Variants in TNS1 observed in about 807,000 individuals in gnomAD.
TNS1 encodes tensin 1.
Under a neutral mutation model 168.6 loss-of-function variants are expected in TNS1, and 62 were observed. The ratio of observed to expected loss-of-function variants is 0.37; its 90% CI spans 0.30 to 0.45. The LOEUF (loss-of-function observed/expected upper bound fraction) is 0.45, where lower values mean the gene tolerates loss of function less well. TNS1 is among the 20% of genes least tolerant of loss of function. TNS1 has a pLI of 1.00. For synonymous variants in TNS1, 934 were observed against 933.2 expected (o/e 1.00, Z -0.02); for missense variants, 2,240 against 2,339.4 (o/e 0.96, Z 0.88).
upstream of TNS1, among the ~76,000 whole-genome samples, chr2:218,004,246 T>G (rs1346415025): frequency 6.6e-6 from 1 of 152,242 alleles, no homozygotes; most frequent in Non-Finnish European, 1.5e-5. Context: ...GAGTAGGCAC[T>G]TGGAGACCTC....
rs531715833 is a variant in TNS1, at chr2:217,875,286, T to G, written c.1429+5612A>C. Among the ~76,000 whole-genome samples the G allele has an allele frequency of 9.8e-5, 15 of 152,312 alleles. No homozygotes were observed. The East Asian group carries it at 2.9e-3, about 29-fold the overall frequency. On this transcript the variant is annotated intron_variant, in intron 18 of 32. Coordinates refer to ENST00000682258, the MANE Select transcript of TNS1 (RefSeq NM_001387777.1). ...GAGAAGGTGGGATCATTTGTCACTG[T>G]GGCATAATTGAGCCTCTCCTGACTG...
At chr2:217,993,891 A>G (rs575702264) in intron 1 of TNS1, among the ~76,000 whole-genome samples, 1 of 152,356 alleles carries the variant, frequency 6.6e-6, no homozygotes, top group African/African-American at 2.4e-5. Flanking sequence ...GAGGGGACAA[A>G]TGTTCTTTGC....
rs530736657 is a variant in TNS1 at position 218,025,784 on chromosome 2, C to T, written c.156+8036G>A. ...CTCAAACTCCTGGGCTCAAGTGAGC[C>T]TCCTGTCTCAGCCTGCCGGGTGGCT... On this transcript the variant is annotated intron_variant, in intron 1 of 1. Transcript: ENST00000649572. Among the ~76,000 whole-genome samples, 42 of 152,254 alleles carry T rather than the reference C, an allele frequency of 2.8e-4. No homozygotes were observed. In the South Asian group the frequency reaches 8.5e-3, roughly 31 times the overall value.
intron 4 of TNS1, among the ~76,000 whole-genome samples, chr2:217,912,108 A>G (rs2125819770): frequency 6.6e-6 from 1 of 152,286 alleles, no homozygotes; most frequent in Non-Finnish European, 1.5e-5. Context: ...GCATGGGCCC[A>G]AGGTGGGGCC....
At chr2:218,005,549 A>G (rs1958650098), upstream of TNS1, among the ~76,000 whole-genome samples, 1 of 152,178 alleles carries the variant, frequency 6.6e-6, no homozygotes, top group African/African-American at 2.4e-5. Flanking sequence ...AGGTGTCTCT[A>G]ACTGTGTGTA....
intron 3 of TNS1, among the ~76,000 whole-genome samples, chr2:217,977,788 A>G (rs562072810): frequency 7.2e-5 from 11 of 152,348 alleles, no homozygotes; most frequent in African/African-American, 2.6e-4. Flanking sequence ...CAACTGCTCA[A>G]TGAATGCTCC....
chr2:217,953,918 C>T (rs184087977), intron 3 of TNS1, among the ~76,000 whole-genome samples: 20 of 152,358 alleles, frequency 1.3e-4, no homozygotes, highest in African/African-American at 4.6e-4. Context: ...TTGGGTACCT[C>T]TCCTGGGTTT....
chr2:217,983,859 T>G (rs1958121126), intron 2 of TNS1, among the ~76,000 whole-genome samples: 1 of 152,186 alleles, frequency 6.6e-6, no homozygotes, highest in Admixed American at 6.5e-5. Context: ...ATGAATCAAC[T>G]TGTCTAGGCC....
intron 3 of TNS1, among the ~76,000 whole-genome samples, chr2:217,926,702 C>G (rs1956045366): frequency 6.6e-6 from 1 of 152,248 alleles, no homozygotes; most frequent in Admixed American, 6.5e-5. Flanking sequence ...ATGTCAAGCA[C>G]TGTTCTAAGC....
At chr2:217,992,634 AAG>A (rs1310195994) in intron 1 of TNS1, 3 of 152,606 alleles carry the variant, frequency 2.0e-5, no homozygotes, top group Admixed American at 2.0e-4. Flanking sequence ...AAGGCATAGA[AAG>A]AGAGGGGGAC....
chr2:217,945,714 G>T (rs1053211088), intron 3 of TNS1, among the ~76,000 whole-genome samples: 1 of 152,162 alleles, frequency 6.6e-6, no homozygotes, highest in Non-Finnish European at 1.5e-5. Flanking sequence ...CTCCCTAGCC[G>T]TCGGCCCAGC....
At chr2:217,847,340 A>T (rs1013603039) in intron 19 of TNS1, among the ~76,000 whole-genome samples, 170 bp downstream of exon 19, 1 of 152,222 alleles carries the variant, frequency 6.6e-6, no homozygotes, top group African/African-American at 2.4e-5. Flanking sequence ...CTTGGTGCCT[A>T]TCAGACAATG....
chr2:217,841,186 G>A, intron 19 of TNS1: 3 of 982,036 alleles, frequency 3.1e-6, no homozygotes, highest in Non-Finnish European at 3.6e-6. Context: ...AAGGGGGAAG[G>A]AGAGCCACCC....
chr2:217,963,534 G>T (rs549139265), intron 3 of TNS1, among the ~76,000 whole-genome samples: 23 of 152,058 alleles, frequency 1.5e-4, no homozygotes, highest in Non-Finnish European at 2.6e-4. Flanking sequence ...AATGGCCCAA[G>T]GCTACTCAGC....
rs71057583 is a variant in TNS1, at chr2:217,839,067, T to TACAC, written c.3008-2860_3008-2857dup. On this transcript the variant is annotated intron_variant, in intron 19 of 32. Transcript: ENST00000682258. Reference sequence around the variant, plus strand: ...ACACATGTGCATGCTTGCATGTACATACACACACACACACACACAGCCTAA... The same window carrying TACAC: ...ACACATGTGCATGCTTGCATGTACATACACACACACACACACACACACAGCCTAA... Among the ~76,000 whole-genome samples, 298 of 146,884 alleles carry TACAC rather than the reference T, an allele frequency of 2.0e-3. 1 individual carries two copies. The highest frequency in any genetic ancestry group is 8.6e-3 in the Admixed American group (128 of 14,922).
chr2:217,908,597 G>C (rs1559340338), intron 4 of TNS1, among the ~76,000 whole-genome samples: 1 of 152,172 alleles, frequency 6.6e-6, no homozygotes, highest in African/African-American at 2.4e-5. Context: ...GCGTCAGGGA[G>C]GAGGAGTGGG....
rs1957176042 is a variant in TNS1 at position 217,948,815 on chromosome 2, G to T, written c.187-28579C>A. Among the ~76,000 whole-genome samples, 4 of 152,300 alleles carry T rather than the reference G, an allele frequency of 2.6e-5. No individual in the cohort carries two copies. In the South Asian group the frequency reaches 8.3e-4, roughly 32 times the overall value. On this transcript the variant is annotated intron_variant, in intron 3 of 32. Transcript: ENST00000682258. This position sits in a 1 kb window ranked among gnomAD's most constrained non-coding sequence, Gnocchi z 4.1. ...CTGTGTCCTCTATGACATCTCATTGGCATGCATCTGCATTTGCATCCTCTC... is the reference window on the plus strand; with the variant it reads ...CTGTGTCCTCTATGACATCTCATTGTCATGCATCTGCATTTGCATCCTCTC...
chr2:218,028,368 C>A (rs538246035), intron 1 of TNS1, among the ~76,000 whole-genome samples: 16 of 152,338 alleles, frequency 1.1e-4, no homozygotes, highest in Admixed American at 4.6e-4. Flanking sequence ...GCCACCCGGG[C>A]CTATCACCAC....
intron 3 of TNS1, among the ~76,000 whole-genome samples, chr2:217,975,415 G>A (rs531074154): frequency 6.6e-6 from 1 of 152,258 alleles, no homozygotes; most frequent in East Asian, 1.9e-4. Flanking sequence ...ATATCACTCT[G>A]TATACATAAC....
Sources: gnomAD v4.1 joint callset for allele counts (sites outside exome capture counted in the v4.1 genomes callset) on GRCh38, gnomAD v4.1.1 for gene constraint, Gnocchi (gnomAD v3.1) non-coding constraint, MANE v1.5 for transcripts, NCBI Gene and HGNC (gene_info 2026-07-23, HGNC 2026-07-21) for gene names.